RASEF: variants seen among roughly 807,000 people sequenced by gnomAD.
RASEF encodes the protein ras and EF-hand domain-containing protein.
RASEF carries 68 observed loss-of-function variants against 90.1 expected under a neutral mutation model. The observed-to-expected ratio is 0.75, with a 90% CI of 0.62 to 0.92. The LOEUF (loss-of-function observed/expected upper bound fraction) is 0.92, where lower values mean the gene tolerates loss of function less well. RASEF is among the 40% of genes least tolerant of loss of function. The probability of loss-of-function intolerance (pLI) is 0.00; values close to 1 mark genes in which losing one functional copy is unlikely to be tolerated. For synonymous variants in RASEF, 331 were observed against 345.2 expected, an observed-to-expected ratio of 0.96 and a Z score of 0.46; for missense variants, 949 against 937.2, an observed-to-expected ratio of 1.01 and a Z score of -0.16.
At chr9:83,144,106 A>G in the RASEF span, among the ~76,000 whole-genome samples, 1 of 151,910 alleles carries the variant, frequency 6.6e-6, no homozygotes, top group East Asian at 1.9e-4. Context: ...AACACTAAGC[A>G]TACATGGACA....
intron 1 of RASEF, among the ~76,000 whole-genome samples, chr9:83,035,937 G>T (rs1829733614): frequency 6.6e-6 from 1 of 152,178 alleles, no homozygotes; most frequent in African/African-American, 2.4e-5. Context: ...GCATTAACAT[G>T]TATTACCTAT....
chr9:83,179,990 G>T, the RASEF span, among the ~76,000 whole-genome samples: 2 of 152,162 alleles, frequency 1.3e-5, no homozygotes, highest in African/African-American at 4.8e-5. Flanking sequence ...ATCAGAAAAT[G>T]AAGCAGATAA....
the RASEF span, among the ~76,000 whole-genome samples, chr9:83,130,787 G>T: frequency 6.6e-6 from 1 of 152,202 alleles, no homozygotes; most frequent in Non-Finnish European, 1.5e-5. Flanking sequence ...AACACACAGG[G>T]TGATGAGCAA....
the RASEF span, among the ~76,000 whole-genome samples, chr9:83,199,693 T>G: frequency 6.6e-6 from 1 of 152,138 alleles, no homozygotes; most frequent in South Asian, 2.1e-4. Flanking sequence ...AATGGACCAT[T>G]CTTTCCTGAA....
chr9:83,143,618 C>A, the RASEF span, among the ~76,000 whole-genome samples: 122 of 152,124 alleles, frequency 8.0e-4, no homozygotes, highest in African/African-American at 2.7e-3. Flanking sequence ...TCATCCCACA[C>A]CAATCAGAAT....
chr9:83,102,163 C>T, the RASEF span, among the ~76,000 whole-genome samples: 3 of 152,268 alleles, frequency 2.0e-5, no homozygotes, highest in South Asian at 2.1e-4. Context: ...CTGCAACCTG[C>T]GCCTGTGGGT....
rs372144638 is a variant in RASEF at position 83,062,445 on chromosome 9, G to T, written c.423C>A (p.Phe141Leu). The T allele has an allele frequency of 6.2e-7, 1 of 1,612,998 alleles. No homozygotes were observed. Among genetic ancestry groups the T allele is most frequent in the African/African-American group, 1.3e-5 (1 of 75,006 alleles). Residue 141 changes from phenylalanine to leucine, a missense_variant, in exon 1 of 17, where the codon TTC becomes TTA. Coordinates refer to ENST00000376447, the MANE Select transcript of RASEF (RefSeq NM_152573.4). Reference sequence around the variant, plus strand: ...CCAGCTCACACTCGCACCTGGGAATGAACTTGGCTTCGTCCCCAAGTCGCG... The same window carrying T: ...CCAGCTCACACTCGCACCTGGGAATTAACTTGGCTTCGTCCCCAAGTCGCG... Reference protein sequence around the residue: ...FQARLGDEAKFIPREEQVSTL... With the variant: ...FQARLGDEAKLIPREEQVSTL...
the RASEF span, among the ~76,000 whole-genome samples, chr9:83,144,570 T>A: frequency 2.6e-3 from 403 of 152,086 alleles, 1 homozygote; most frequent in Non-Finnish European, 4.6e-3. Flanking sequence ...TGGGTTGGAT[T>A]TTTCCAAGCA....
chr9:83,205,175 A>T, the RASEF span, among the ~76,000 whole-genome samples: 14 of 152,344 alleles, frequency 9.2e-5, no homozygotes, highest in South Asian at 6.2e-4. Context: ...TCTATGGAAG[A>T]TTGCCTGAGG....
At chr9:83,073,794 T>C in the RASEF span, among the ~76,000 whole-genome samples, 1 of 152,236 alleles carries the variant, frequency 6.6e-6, no homozygotes, top group Non-Finnish European at 1.5e-5. Flanking sequence ...CAATTAGTAG[T>C]AATCTTAGTC....
At chr9:83,147,032 A>ATATG in the RASEF span, among the ~76,000 whole-genome samples, 1 of 108,782 alleles carries the variant, frequency 9.2e-6, no homozygotes, top group East Asian at 3.3e-4. Context: ...GTGTGTGTAT[A>ATATG]TATATATGTA....
At chr9:82,994,450 C>A (rs1006474918) in intron 14 of RASEF, among the ~76,000 whole-genome samples, 1 of 152,302 alleles carries the variant, frequency 6.6e-6, no homozygotes, top group East Asian at 1.9e-4. Flanking sequence ...ACTTCCTTAT[C>A]GTCAGGCCTT....
intron 1 of RASEF, chr9:83,055,399 C>A (rs539850066): frequency 1.4e-5 from 7 of 514,590 alleles, no homozygotes; most frequent in Middle Eastern, 4.8e-4. Context: ...CGCCCTGCTT[C>A]GGCTCGCGCA....
the RASEF span, among the ~76,000 whole-genome samples, chr9:83,081,174 C>T: frequency 6.6e-6 from 1 of 152,112 alleles, no homozygotes; most frequent in Admixed American, 6.6e-5. Context: ...GTCACACCGA[C>T]AATTAAAGAG....
chr9:83,147,984 G>C, the RASEF span, among the ~76,000 whole-genome samples: 1 of 151,854 alleles, frequency 6.6e-6, no homozygotes, highest in African/African-American at 2.4e-5. Context: ...TCATCTGCTT[G>C]TGGAGCCTGG....
chr9:83,168,786 G>A, the RASEF span, among the ~76,000 whole-genome samples: 76 of 152,144 alleles, frequency 5.0e-4, no homozygotes, highest in African/African-American at 1.6e-3. Flanking sequence ...CAGTTAAAAT[G>A]GCTATTATTA....
At chr9:83,207,225 A>C in the RASEF span, among the ~76,000 whole-genome samples, 8 of 151,870 alleles carry the variant, frequency 5.3e-5, no homozygotes, top group African/African-American at 1.7e-4. Flanking sequence ...AAGAGAGGCT[A>C]TCACAGACAT....
At chr9:83,165,681 G>T in the RASEF span, among the ~76,000 whole-genome samples, 1 of 151,886 alleles carries the variant, frequency 6.6e-6, no homozygotes, top group African/African-American at 2.4e-5. Context: ...TTAACAATGG[G>T]AAATCAATAC....
At chr9:83,141,771 C>T in the RASEF span, among the ~76,000 whole-genome samples, 4 of 152,108 alleles carry the variant, frequency 2.6e-5, no homozygotes, top group Non-Finnish European at 5.9e-5. Context: ...GAGGGAGGGT[C>T]AATAATTAGA....
Sources: gnomAD v4.1 joint callset for allele counts (sites outside exome capture counted in the v4.1 genomes callset) on GRCh38, gnomAD v4.1.1 for gene constraint, MANE v1.5 for transcripts, NCBI Gene and HGNC (gene_info 2026-07-23, HGNC 2026-07-21) for gene names.